The following SV2B variants were observed in gnomAD, a reference collection of about 807,000 sequenced individuals.
SV2B encodes the protein solute carrier family 22 member B2.
Under a neutral mutation model 73.9 loss-of-function variants are expected in SV2B, and 41 were observed. The ratio of observed to expected loss-of-function variants is 0.56; its 90% confidence interval spans 0.43 to 0.72. The LOEUF (loss-of-function observed/expected upper bound fraction) is 0.72, where lower values mean the gene tolerates loss of function less well. SV2B is among the 30% of genes least tolerant of loss of function. The probability of loss-of-function intolerance (pLI) is 0.00; values close to 1 mark genes in which losing one functional copy is unlikely to be tolerated. For missense variants in SV2B, 764 were observed against 857.8 expected (o/e 0.89, Z 1.37); for synonymous variants, 314 against 314.2 (o/e 1.00, Z 0.01).
At chr15:91,176,520 G>A (rs1205718902) in intron 1 of SV2B, among the ~76,000 whole-genome samples, 1 of 152,156 alleles carries the variant, frequency 6.6e-6, no homozygotes, top group Non-Finnish European at 1.5e-5. Context: ...GTGTAAAAGT[G>A]TTCCTATTTC....
Position 91,234,713 on chromosome 15 carries a change from T to C in SV2B, c.451+7999T>C, listed in dbSNP as rs2046713050. ...GCCAGTTTACAGACCCAGAAACCCTTGAATGAAAGGGAGGCTGAATCTCCT... is the reference window on the plus strand; with the variant it reads ...GCCAGTTTACAGACCCAGAAACCCTCGAATGAAAGGGAGGCTGAATCTCCT... On this transcript the variant is annotated intron_variant, in intron 2 of 12. Coordinates refer to ENST00000394232, the MANE Select transcript of SV2B (RefSeq NM_001323032.3). This position sits in a 1 kb window ranked among gnomAD's most constrained non-coding sequence, Gnocchi z 5.6. 2.6e-5 allele frequency among the ~76,000 whole-genome samples: 4 copies of C among 152,146 alleles called. No homozygotes were observed. In the South Asian group the frequency reaches 8.3e-4, roughly 32 times the overall value.
At chr15:91,117,010 GT>G (rs1490410446) in intron 1 of SV2B, among the ~76,000 whole-genome samples, 4 of 152,184 alleles carry the variant, frequency 2.6e-5, no homozygotes, top group Admixed American at 2.0e-4. Context: ...CCCATGACAT[GT>G]GGGGATTATG....
chr15:91,173,184 A>G (rs1370334251), intron 1 of SV2B, among the ~76,000 whole-genome samples: 6 of 152,322 alleles, frequency 3.9e-5, no homozygotes, highest in South Asian at 2.1e-4. Context: ...AGAGGATTCC[A>G]GGGAGAGAAA....
At chr15:91,287,223 T>C (rs1232335330) in intron 11 of SV2B, among the ~76,000 whole-genome samples, 1 of 152,166 alleles carries the variant, frequency 6.6e-6, no homozygotes, top group Non-Finnish European at 1.5e-5. Context: ...GCACTAGTCT[T>C]GCAGCCCCAG....
intron 1 of SV2B, among the ~76,000 whole-genome samples, chr15:91,189,067 C>G (rs955355434): frequency 3.3e-5 from 5 of 152,140 alleles, no homozygotes; most frequent in Non-Finnish European, 4.4e-5. Flanking sequence ...CTCAGGTGAT[C>G]CACCCACGTT....
At chr15:91,257,707 C>G (rs1009022361) in intron 4 of SV2B, among the ~76,000 whole-genome samples, 12 of 152,188 alleles carry the variant, frequency 7.9e-5, no homozygotes, top group South Asian at 2.1e-4. Flanking sequence ...AATAGAAGCC[C>G]TGGGTCGTAT....
Position 91,224,856 on chromosome 15 carries a change from C to G in SV2B, c.-391-1017C>G, listed in dbSNP as rs2046323597. Among the ~76,000 whole-genome samples the G allele has an allele frequency of 6.6e-6, 1 of 152,096 alleles. No individual in the cohort carries two copies. Among genetic ancestry groups the G allele is most frequent in the Non-Finnish European group, 1.5e-5 (1 of 68,016 alleles). ...CCCAAGCCTTGTGAAACCTGAGATTCTAGGCACAATGAGAATCCACTGGGC... is the reference window on the plus strand; with the variant it reads ...CCCAAGCCTTGTGAAACCTGAGATTGTAGGCACAATGAGAATCCACTGGGC... On this transcript the variant is annotated intron_variant, in intron 1 of 12. Coordinates refer to ENST00000394232, the MANE Select transcript of SV2B (RefSeq NM_001323032.3). The surrounding 1 kb of genome is among the most constrained non-coding windows in gnomAD (Gnocchi z 4.9).
rs2047540416 is a variant in SV2B at position 91,252,752 on chromosome 15, A to G, written c.784+232A>G. On this transcript the variant is annotated intron_variant, in intron 4 of 12. Transcript: ENST00000394232. This position sits in a 1 kb window ranked among gnomAD's most constrained non-coding sequence, Gnocchi z 4.6. ...TTTTCCTCCTTCCTTCCCTTCCTTC[A>G]TTCTTCCCTTTCTCCTTCCCTCTCT... 6.6e-6 allele frequency among the ~76,000 whole-genome samples: 1 copy of G among 150,494 alleles called. No homozygotes were observed. Among genetic ancestry groups the G allele is most frequent in the African/African-American group, 2.4e-5 (1 of 40,834 alleles).
rs2042684141 is a variant in SV2B at position 91,132,449 on chromosome 15, T to C, written c.-392+32086T>C. On this transcript the variant is annotated intron_variant, in intron 1 of 12. Transcript: ENST00000394232. The surrounding 1 kb of genome is among the most constrained non-coding windows in gnomAD (Gnocchi z 4.6). ...CTTGGCCTGCAATCAGTCTGATTGG[T>C]TGTGGACAGCAACCATTCAGAGGCT... 6.6e-6 allele frequency among the ~76,000 whole-genome samples: 1 copy of C among 152,188 alleles called. No individual in the cohort carries two copies. The highest frequency in any genetic ancestry group is 1.5e-5 in the Non-Finnish European group (1 of 68,036).
At chr15:91,112,863 C>T (rs1271311989) in intron 1 of SV2B, among the ~76,000 whole-genome samples, 4 of 152,202 alleles carry the variant, frequency 2.6e-5, no homozygotes, top group Non-Finnish European at 5.9e-5. Flanking sequence ...GCCACCCAGG[C>T]TGGATTACAG....
intron 1 of SV2B, among the ~76,000 whole-genome samples, chr15:91,159,358 A>C (rs970631171): frequency 1.3e-4 from 20 of 152,214 alleles, no homozygotes; most frequent in Non-Finnish European, 2.6e-4. Context: ...CTACACAGTG[A>C]AGCTCTGCTC....
Position 91,283,405 on chromosome 15 carries a change from G to T in SV2B, c.1508-616G>T, listed in dbSNP as rs1019835243. 1.3e-5 allele frequency among the ~76,000 whole-genome samples: 2 copies of T among 151,954 alleles called. No homozygotes were observed. The highest frequency in any genetic ancestry group is 4.8e-5 in the African/African-American group (2 of 41,356). The stretch of plus-strand genomic sequence containing the variant: ...TCAGTGTCTCAGTGTCACCTGATTG[G>T]TACAAACAGGACTGTTATCCAGCTG... On this transcript the variant is annotated intron_variant, in intron 10 of 12. Transcript: ENST00000394232. The surrounding 1 kb of genome is among the most constrained non-coding windows in gnomAD (Gnocchi z 4.3).
chr15:91,118,842 C>T lies in SV2B; in HGVS notation c.-392+18479C>T, dbSNP rs547252427. 1.3e-5 allele frequency among the ~76,000 whole-genome samples: 2 copies of T among 152,370 alleles called. No homozygotes were observed. Among genetic ancestry groups the T allele is most frequent in the Admixed American group, 6.5e-5 (1 of 15,308 alleles). On this transcript the variant is annotated intron_variant, in intron 1 of 12. Transcript: ENST00000394232. The surrounding 1 kb of genome is among the most constrained non-coding windows in gnomAD (Gnocchi z 4.7). ...TGAATGAACAAAATTAATCTGCCTC[C>T]TTCCTCCATTTCTGGTTCCTCTTCA...
intron 1 of SV2B, among the ~76,000 whole-genome samples, chr15:91,181,332 C>CG (rs928788399): frequency 1.3e-5 from 2 of 151,612 alleles, no homozygotes; most frequent in African/African-American, 2.4e-5. Flanking sequence ...TTAGGCTGCT[C>CG]GGGGGTCAGG....
In SV2B at chr15:91,268,659, G is replaced by C; in HGVS notation, c.1373+54G>C. On this transcript the variant is annotated intron_variant, in intron 9 of 12. Coordinates refer to ENST00000394232, the MANE Select transcript of SV2B (RefSeq NM_001323032.3). The surrounding 1 kb of genome is among the most constrained non-coding windows in gnomAD (Gnocchi z 4.4). ...CATCAGGGTGACAGTCGTGGGGACT[G>C]TTATTGGGAGGGAGCCGGAGGGAAG... 1.3e-6 allele frequency: 2 copies of C among 1,573,602 alleles called. No homozygotes were observed. The highest frequency in any genetic ancestry group is 1.7e-6 in the Non-Finnish European group (2 of 1,153,874).
At chr15:91,205,243 G>A (rs1461458254) in intron 1 of SV2B, among the ~76,000 whole-genome samples, 1 of 152,188 alleles carries the variant, frequency 6.6e-6, no homozygotes, top group East Asian at 1.9e-4. Flanking sequence ...ATTCAAGCGT[G>A]AAGTGTGAGG....
At chr15:91,260,477 T>A in intron 6 of SV2B, 68 bp downstream of exon 6, 1 of 1,276,960 alleles carries the variant, frequency 7.8e-7, no homozygotes, top group Non-Finnish European at 1.1e-6. Context: ...TACTAAAAAG[T>A]AATTTAAGCA....
chr15:91,143,668 G>A (rs1401075511), intron 1 of SV2B, among the ~76,000 whole-genome samples: 1 of 151,274 alleles, frequency 6.6e-6, no homozygotes, highest in Non-Finnish European at 1.5e-5. Context: ...TCGAACTGTT[G>A]TTGGGTGCAG....
rs553764625 is a variant in SV2B, at chr15:91,278,547, C to T, written c.1374-3181C>T. On this transcript the variant is annotated intron_variant, in intron 9 of 12. Coordinates refer to ENST00000394232, the MANE Select transcript of SV2B (RefSeq NM_001323032.3). ...ACAAAAAATTAGCCGGGCGCGGTGG[C>T]GGGTGCCTGTAGTCCCAGCTACTCG... is the stretch of plus-strand genomic sequence containing the variant. Among the ~76,000 whole-genome samples the T allele has an allele frequency of 8.7e-5, 13 of 149,128 alleles. No individual in the cohort carries two copies. In the South Asian group the frequency reaches 1.5e-3, roughly 17 times the overall value.
Sources: allele counts gnomAD v4.1 joint callset (sites outside exome capture counted in the v4.1 genomes callset), GRCh38; gene constraint gnomAD v4.1.1; non-coding constraint Gnocchi (gnomAD v3.1); transcripts MANE v1.5; gene names NCBI Gene and HGNC (gene_info 2026-07-23, HGNC 2026-07-21).